TYW1B: variants seen among roughly 807,000 people sequenced by gnomAD.
The protein encoded by TYW1B is tRNA-yW synthesizing protein 1 homolog B.
A neutral mutation model predicts 86.9 loss-of-function variants in TYW1B; 73 were observed. The observed-to-expected ratio is 0.84, with a 90% CI of 0.70 to 1.02. TYW1B has a LOEUF of 1.02. TYW1B is among the 50% of genes least tolerant of loss of function. The pLI, the probability that TYW1B is intolerant of heterozygous loss-of-function variation, is 0.00. For synonymous variants in TYW1B, 248 were observed against 292.8 expected, an observed-to-expected ratio of 0.85 and a Z score of 1.56; for missense variants, 637 against 827.4, an observed-to-expected ratio of 0.77 and a Z score of 2.82.
chr7:72,642,536 C>T (rs1379643831), intron 11 of TYW1B, among the ~76,000 whole-genome samples: 3 of 152,194 alleles, frequency 2.0e-5, no homozygotes, highest in South Asian at 2.1e-4. Flanking sequence ...ACAATGCCAA[C>T]GTCCATCAGC....
intron 11 of TYW1B, among the ~76,000 whole-genome samples, chr7:72,640,769 TAA>T (rs1450510252): frequency 2.0e-5 from 3 of 152,128 alleles, no homozygotes; most frequent in African/African-American, 7.2e-5. Flanking sequence ...ACCAATAACA[TAA>T]GACAAAAGAA....
At chr7:72,712,453 C>T (rs1489682242) in intron 10 of TYW1B, among the ~76,000 whole-genome samples, 1 of 152,036 alleles carries the variant, frequency 6.6e-6, no homozygotes, top group Non-Finnish European at 1.5e-5. Context: ...CTCAGCCTCC[C>T]GAGTAGCTGG....
At chr7:72,698,846 G>A (rs1814388487) in intron 10 of TYW1B, among the ~76,000 whole-genome samples, 1 of 152,146 alleles carries the variant, frequency 6.6e-6, no homozygotes, top group Non-Finnish European at 1.5e-5. Flanking sequence ...GAATACGGAT[G>A]ATCTGTGAAA....
intron 2 of TYW1B, among the ~76,000 whole-genome samples, chr7:72,819,106 G>A (rs1269543643): frequency 3.9e-5 from 6 of 152,116 alleles, no homozygotes; most frequent in African/African-American, 9.7e-5. Flanking sequence ...TATCCCAGGC[G>A]GCAGGAACAG....
intron 11 of TYW1B, among the ~76,000 whole-genome samples, chr7:72,631,417 G>A (rs1812488448): frequency 6.6e-6 from 1 of 152,098 alleles, no homozygotes; most frequent in South Asian, 2.1e-4. Context: ...GGGAAGCTGA[G>A]GCAAGAGAAT....
chr7:72,619,334 A>G (rs1343771698), intron 12 of TYW1B, among the ~76,000 whole-genome samples: 2 of 152,178 alleles, frequency 1.3e-5, no homozygotes, highest in African/African-American at 4.8e-5. Context: ...AAGGAAAATA[A>G]TGATATGGTT....
intron 12 of TYW1B, among the ~76,000 whole-genome samples, chr7:72,619,247 T>G (rs543224359): frequency 6.6e-6 from 1 of 152,184 alleles, no homozygotes; most frequent in Non-Finnish European, 1.5e-5. Flanking sequence ...AAAAACCCTA[T>G]GTCAATTAGT....
At chr7:72,656,298 C>T (rs1359764412) in intron 11 of TYW1B, among the ~76,000 whole-genome samples, 1 of 152,110 alleles carries the variant, frequency 6.6e-6, no homozygotes, top group African/African-American at 2.4e-5. Flanking sequence ...AATACATCTA[C>T]AGGAAAAAGT....
At chr7:72,820,216 A>G (rs1788803749) in intron 2 of TYW1B, among the ~76,000 whole-genome samples, 1 of 152,186 alleles carries the variant, frequency 6.6e-6, no homozygotes, top group Admixed American at 6.6e-5. Flanking sequence ...CGAAGGTTGC[A>G]GTGAGCTGAG....
In TYW1B at chr7:72,660,373, CCAAA is replaced by C. The variant is rs540824257; in HGVS notation, c.1507-31380_1507-31377del. 2.4e-3 allele frequency among the ~76,000 whole-genome samples: 360 copies of C among 151,906 alleles called. 4 individuals carry two copies. Among genetic ancestry groups the C allele is most frequent in the African/African-American group, 7.4e-3 (307 of 41,414 alleles). ...TGGTCAAAAGAGCAAGTCCCTGTCT[CCAAA>C]CAAACAAACAAACAAACAAACAAAA... On this transcript the variant is annotated intron_variant, in intron 11 of 13. Transcript: ENST00000620995.
chr7:72,577,258 T>A (rs1316533588), intron 13 of TYW1B, among the ~76,000 whole-genome samples: 2 of 152,130 alleles, frequency 1.3e-5, no homozygotes, highest in Non-Finnish European at 2.9e-5. Flanking sequence ...ATGTTGAATT[T>A]AAATGACATC....
intron 10 of TYW1B, among the ~76,000 whole-genome samples, chr7:72,709,502 A>AC (rs1450902921): frequency 6.6e-6 from 1 of 151,986 alleles, no homozygotes. Context: ...CCCTGTCTCT[A>AC]CTAAAAATAC....
At chr7:72,686,905 C>CT (rs1233687539) in intron 11 of TYW1B, among the ~76,000 whole-genome samples, 1 of 152,026 alleles carries the variant, frequency 6.6e-6, no homozygotes, top group Non-Finnish European at 1.5e-5. Context: ...TCCAGACCCC[C>CT]TACCTTATGC....
In TYW1B at chr7:72,807,264, C is replaced by T; in HGVS notation, c.525G>A (p.Lys175=). ...TGAAGTTGGCCTCAATGCTGCCGTG[C>T]TTGCTTTTAACCACGTCGCAGTCGC... ...GEGDCDVVKS[K]HGSIEANFRA... The change falls in exon 5 of 14, where the codon AAG becomes AAA. Residue 175 remains lysine (K), a synonymous_variant. Coordinates refer to ENST00000620995, the MANE Select transcript of TYW1B (RefSeq NM_001145440.3). 3 of 1,614,206 alleles carry T rather than the reference C, an allele frequency of 1.9e-6. No homozygotes were observed. The highest frequency in any genetic ancestry group is 2.5e-6 in the Non-Finnish European group (3 of 1,180,044).
At chr7:72,811,046 C>T (rs369561345) in intron 3 of TYW1B, among the ~76,000 whole-genome samples, 24 of 151,768 alleles carry the variant, frequency 1.6e-4, no homozygotes, top group East Asian at 1.2e-3. Flanking sequence ...CTGAGGCGGG[C>T]GGATCACAAG....
At chr7:72,736,129 C>T (rs372958118) in intron 8 of TYW1B, among the ~76,000 whole-genome samples, 2 of 152,322 alleles carry the variant, frequency 1.3e-5, no homozygotes, top group East Asian at 3.9e-4. Flanking sequence ...CTGACACATT[C>T]ACCCTACTGC....
intron 10 of TYW1B, among the ~76,000 whole-genome samples, chr7:72,700,334 C>T (rs1814435972): frequency 6.6e-6 from 1 of 151,800 alleles, no homozygotes; most frequent in Non-Finnish European, 1.5e-5. Flanking sequence ...ACCACCACGC[C>T]CAGCTAATTT....
At chr7:72,734,268 A>AAC (rs1554255461) in intron 8 of TYW1B, among the ~76,000 whole-genome samples, 3 of 98,160 alleles carry the variant, frequency 3.1e-5, no homozygotes, top group Admixed American at 2.3e-4. Flanking sequence ...AAAAAAAAAA[A>AAC]ACACAACAAA....
chr7:72,826,954 T>G lies in TYW1B; in HGVS notation c.36A>C (p.Ser12=). 6.2e-7 allele frequency: 1 copy of G among 1,613,218 alleles called. No individual in the cohort carries two copies. The highest frequency in any genetic ancestry group is 8.5e-7 in the Non-Finnish European group (1 of 1,179,734). The change falls in exon 2 of 14, where the codon TCA becomes TCC. Residue 12 remains serine, a synonymous_variant. Coordinates refer to ENST00000620995, the MANE Select transcript of TYW1B (RefSeq NM_001145440.3). ...TGTTTATCCATAATGATATTAAAGGTGAGGAGAGGTCCCATGTATCCGCAG... is the reference window on the plus strand; with the variant it reads ...TGTTTATCCATAATGATATTAAAGGGGAGGAGAGGTCCCATGTATCCGCAG... ...DPSADTWDLS[S]PLISLWINRF... is the part of the protein sequence containing the mutation.
Sources: allele counts gnomAD v4.1 joint callset (sites outside exome capture counted in the v4.1 genomes callset), GRCh38; gene constraint gnomAD v4.1.1; transcripts MANE v1.5; gene names NCBI Gene and HGNC (gene_info 2026-07-23, HGNC 2026-07-21).